Variants in HCFC2 observed in about 807,000 individuals in gnomAD.
The protein encoded by HCFC2 is host cell factor C2, also known as host cell factor 2.
HCFC2 carries 18 observed loss-of-function variants against 89.2 expected under a neutral mutation model. The observed-to-expected ratio is 0.20, with a 90% confidence interval of 0.14 to 0.30. The LOEUF is 0.30. HCFC2 is among the 10% of genes least tolerant of loss of function. The pLI, the probability that HCFC2 is intolerant of heterozygous loss-of-function variation, is 1.00. For missense variants in HCFC2, 578 were observed against 956.1 expected (o/e 0.60, Z 5.21); for synonymous variants, 308 against 335.7 (o/e 0.92, Z 0.90).
At chr12:104,065,017 G>A (rs959989727) in intron 1 of HCFC2, 12 of 318,160 alleles carry the variant, frequency 3.8e-5, no homozygotes, top group African/African-American at 2.6e-4. Context: ...GCAGGCGACA[G>A]AAGACCATGT....
rs1884088534 is a variant in HCFC2, at chr12:104,093,522, A to G, written c.1421A>G (p.Asn474Ser). Residue 474 changes from asparagine to serine, a missense_variant, in exon 10 of 15, where the codon AAT (asparagine) becomes AGT (serine). Asn to Ser is a conservative substitution (Grantham distance 46, BLOSUM62 1). Coordinates refer to ENST00000229330, the MANE Select transcript of HCFC2 (RefSeq NM_013320.3). ...LYPSLASNAS[N>S]HNSHVVDMLR... ...CCATCTTTGGCATCAAATGCTTCTAATCATAATAGTCATGTGGTGGATATG... is the reference window on the plus strand; with the variant it reads ...CCATCTTTGGCATCAAATGCTTCTAGTCATAATAGTCATGTGGTGGATATG... The G allele has an allele frequency of 8.7e-6, 14 of 1,613,078 alleles. No individual in the cohort carries two copies. The highest frequency in any genetic ancestry group is 1.1e-5 in the Non-Finnish European group (13 of 1,179,466).
intron 3 of HCFC2, among the ~76,000 whole-genome samples, chr12:104,076,515 A>G (rs1387687021): frequency 1.3e-5 from 2 of 152,264 alleles, no homozygotes; most frequent in East Asian, 1.9e-4. Flanking sequence ...GTTTAAGCCT[A>G]TGCCACATTA....
chr12:104,073,455 G>A (rs1883400898), intron 3 of HCFC2, among the ~76,000 whole-genome samples: 1 of 152,056 alleles, frequency 6.6e-6, no homozygotes, highest in Non-Finnish European at 1.5e-5. Context: ...AAGCCACCAT[G>A]CCCAGCCCGC....
chr12:104,075,236 T>C (rs1286901471), intron 3 of HCFC2, among the ~76,000 whole-genome samples: 1 of 151,948 alleles, frequency 6.6e-6, no homozygotes, highest in East Asian at 1.9e-4. Flanking sequence ...TTTAAAGTTA[T>C]AAAGACAATT....
chr12:104,088,131 G>T, intron 9 of HCFC2, 93 bp downstream of exon 9: 1 of 766,844 alleles, frequency 1.3e-6, no homozygotes, highest in East Asian at 3.2e-5. Flanking sequence ...TCTAGAAGAG[G>T]GGTCCTTAAT....
intron 9 of HCFC2, among the ~76,000 whole-genome samples, chr12:104,092,003 G>A (rs1291186696): frequency 6.6e-6 from 1 of 152,068 alleles, no homozygotes; most frequent in African/African-American, 2.4e-5. Context: ...AGAGCTATGA[G>A]AAATTATGAG....
At chr12:104,083,816 A>G (rs1593601085) in intron 7 of HCFC2, among the ~76,000 whole-genome samples, 1 of 152,300 alleles carries the variant, frequency 6.6e-6, no homozygotes, top group Non-Finnish European at 1.5e-5. Context: ...GCTTGGGGCC[A>G]TGAGTTCAAG....
chr12:104,076,724 C>T (rs142225602), intron 3 of HCFC2, among the ~76,000 whole-genome samples: 1 of 142,560 alleles, frequency 7.0e-6, no homozygotes, highest in Non-Finnish European at 1.5e-5. Flanking sequence ...CCAACCCTGA[C>T]CAGATTTTGT....
intron 13 of HCFC2, among the ~76,000 whole-genome samples, chr12:104,100,467 T>C (rs765536241): frequency 1.3e-5 from 2 of 151,778 alleles, no homozygotes; most frequent in Non-Finnish European, 2.9e-5. Flanking sequence ...CCCAACTACT[T>C]GGGAGGCTGA....
At position 104,101,893 on chromosome 12, in the gene HCFC2, A is replaced by G. The variant is rs1324598338; in HGVS notation, c.1879-75A>G. On this transcript the variant is annotated intron_variant, in intron 13 of 14. Coordinates refer to ENST00000229330, the MANE Select transcript of HCFC2 (RefSeq NM_013320.3). ...TCTTTAAAAGTTTTTTTGTTTAATA[A>G]AAATTGAATAATTTTTAAAATTTTA... The G allele has an allele frequency of 8.3e-6, 8 of 964,546 alleles. No homozygotes were observed. The South Asian group carries it at 9.5e-5, about 11-fold the overall frequency. 59.7% of individuals were successfully genotyped at this position (964,546 alleles called of 1,614,324 possible).
intron 13 of HCFC2, among the ~76,000 whole-genome samples, chr12:104,100,575 A>G (rs1317249058): frequency 1.3e-5 from 2 of 150,780 alleles, no homozygotes; most frequent in Non-Finnish European, 3.0e-5. Flanking sequence ...TGCTGTCTCA[A>G]AAAAAAAAAT....
At chr12:104,092,797 A>T (rs1173568565) in intron 9 of HCFC2, among the ~76,000 whole-genome samples, 4 of 152,058 alleles carry the variant, frequency 2.6e-5, no homozygotes, top group African/African-American at 7.2e-5. Context: ...AGTAGTAATA[A>T]TTTTTTTTAA....
At position 104,095,894 on chromosome 12, in the gene HCFC2, T is replaced by G. The variant is rs1158852081; in HGVS notation, c.1666+331T>G. 6.6e-6 allele frequency among the ~76,000 whole-genome samples: 1 copy of G among 152,208 alleles called. No homozygotes were observed. Among genetic ancestry groups the G allele is most frequent in the East Asian group, 1.9e-4 (1 of 5,202 alleles). ...TTTATAAAATATTCTCTGCATAAAA[T>G]ATTTAGATTAGCACACACTATTGAA... On this transcript the variant is annotated intron_variant, in intron 11 of 14. Transcript: ENST00000229330. The surrounding 1 kb of genome is among the most constrained non-coding windows in gnomAD (Gnocchi z 4.2).
chr12:104,078,423 GC>G (rs1189854969), intron 3 of HCFC2, among the ~76,000 whole-genome samples: 1 of 152,068 alleles, frequency 6.6e-6, no homozygotes, highest in Non-Finnish European at 1.5e-5. Context: ...TACAATTTTT[GC>G]CCTTACACTT....
At chr12:104,082,639 T>C in intron 6 of HCFC2, 33 bp downstream of exon 6, 1 of 1,569,708 alleles carries the variant, frequency 6.4e-7, no homozygotes, top group Non-Finnish European at 8.7e-7. Flanking sequence ...ATTGAATTAA[T>C]CTTTATTAAT....
chr12:104,089,239 G>A (rs555155983), intron 9 of HCFC2, among the ~76,000 whole-genome samples: 4 of 152,304 alleles, frequency 2.6e-5, no homozygotes, highest in Admixed American at 6.5e-5. Flanking sequence ...ACGGCCAGGC[G>A]TGGTGGCTCA....
At chr12:104,093,056 G>A (rs1477201749) in intron 9 of HCFC2, among the ~76,000 whole-genome samples, 1 of 152,112 alleles carries the variant, frequency 6.6e-6, no homozygotes, top group Non-Finnish European at 1.5e-5. Flanking sequence ...ACCAGACCCA[G>A]TAGCTTTGTT....
rs935706435 is a variant in HCFC2, at chr12:104,101,582, T to C, written c.1879-386T>C. Among the ~76,000 whole-genome samples, 5 of 152,356 alleles carry C rather than the reference T, an allele frequency of 3.3e-5. No homozygotes were observed. The South Asian group carries it at 1.0e-3, about 32-fold the overall frequency. On this transcript the variant is annotated intron_variant, in intron 13 of 14. Transcript: ENST00000229330. ...AAGGGTATTGTTCCTGGGCAGACTA[T>C]TATTTGACGGTATATCTTCTGAGAT...
At chr12:104,086,758 G>C in intron 7 of HCFC2, 89 bp from the exon 8 acceptor site, 1 of 1,166,734 alleles carries the variant, frequency 8.6e-7, no homozygotes, top group Non-Finnish European at 1.2e-6. Context: ...CATTGCTGAT[G>C]TTTTCAAAGC....
Sources: gnomAD v4.1 joint callset for allele counts (sites outside exome capture counted in the v4.1 genomes callset) on GRCh38, gnomAD v4.1.1 for gene constraint, Gnocchi (gnomAD v3.1) non-coding constraint, MANE v1.5 for transcripts, NCBI Gene and HGNC (gene_info 2026-07-23, HGNC 2026-07-21) for gene names.